Variants in NEO1 observed in about 807,000 individuals in gnomAD.
NEO1 encodes the protein neogenin.
In NEO1, 63 loss-of-function variants were observed where a neutral mutation model predicts 159.7. That is an observed-to-expected ratio of 0.39 (90% CI 0.32 to 0.49). The LOEUF (loss-of-function observed/expected upper bound fraction) is 0.49, where lower values mean the gene tolerates loss of function less well. Among genes scored for constraint, NEO1 ranks in the 20% least tolerant of loss-of-function variants. The probability of loss-of-function intolerance (pLI) is 0.85; values close to 1 mark genes in which losing one functional copy is unlikely to be tolerated. For synonymous variants in NEO1, 633 were observed against 662.0 expected, an observed-to-expected ratio of 0.96 and a Z score of 0.67; for missense variants, 1,615 against 1,831.0, an observed-to-expected ratio of 0.88 and a Z score of 2.15.
At chr15:73,216,670 G>T (rs71397278) in intron 7 of NEO1, among the ~76,000 whole-genome samples, 43,957 of 151,568 alleles carry the variant, frequency 0.29, 7,317 homozygotes, top group East Asian at 0.57. Context: ...GATTTGCATT[G>T]CTCTGATGGC....
At chr15:73,235,567 C>T (rs1031465980) in intron 7 of NEO1, among the ~76,000 whole-genome samples, 1 of 152,164 alleles carries the variant, frequency 6.6e-6, no homozygotes, top group Non-Finnish European at 1.5e-5. Context: ...CAGTATACAT[C>T]GCAGTGAAGA....
At chr15:73,214,699 G>C (rs2037776739) in intron 7 of NEO1, among the ~76,000 whole-genome samples, 1 of 152,124 alleles carries the variant, frequency 6.6e-6, no homozygotes, top group African/African-American at 2.4e-5. Flanking sequence ...TTTGAAATCA[G>C]GTAGTGTGAT....
rs569462409 is a variant in NEO1, at chr15:73,303,490, G to C, written c.*794G>C. ...GTGCAGTTTCAGTATTGGGGCGGGT[G>C]GGGGGCTGGGGGTTGGTAATAGGAA... is the stretch of plus-strand genomic sequence containing the variant. On this transcript the variant is annotated 3_prime_UTR_variant, in exon 29 of 29. Transcript: ENST00000261908. 2 of 152,216 alleles carry C rather than the reference G, an allele frequency of 1.3e-5. No homozygotes were observed. The highest frequency in any genetic ancestry group is 6.5e-5 in the Admixed American group (1 of 15,280). The allele number at this position is 152,216 out of a possible 1,614,324, so 9.4% of individuals were successfully genotyped here.
At chr15:73,302,537 T>G (rs2042662898) in intron 28 of NEO1, 76 bp from the exon 29 acceptor site, 1 of 1,359,484 alleles carries the variant, frequency 7.4e-7, no homozygotes, top group African/African-American at 1.4e-5. Flanking sequence ...CACATGAGGC[T>G]TTGGCCTCTC....
At chr15:73,078,084 G>A (rs2068864588) in intron 1 of NEO1, among the ~76,000 whole-genome samples, 1 of 152,144 alleles carries the variant, frequency 6.6e-6, no homozygotes, top group South Asian at 2.1e-4. Flanking sequence ...GATGTGAAGT[G>A]GCACAAGAAA....
At chr15:73,255,165 C>G (rs556021888) in intron 13 of NEO1, among the ~76,000 whole-genome samples, 1 of 152,320 alleles carries the variant, frequency 6.6e-6, no homozygotes, top group South Asian at 2.1e-4. Flanking sequence ...TTACCCCACT[C>G]AGTATAGTTG....
intron 3 of NEO1, among the ~76,000 whole-genome samples, chr15:73,123,089 GGAGGGTGCAGTGAGCTGAGATTGTGC>G (rs2071765435): frequency 6.6e-6 from 1 of 151,872 alleles, no homozygotes; most frequent in South Asian, 2.1e-4. Context: ...CCCGGGAGGT[GGAGGGTGCAGTGAGCTGAGATTGTGC>G]CATTGCACTC....
chr15:73,266,559 G>A (rs1388797591), intron 16 of NEO1, 148 bp downstream of exon 16: 3 of 506,912 alleles, frequency 5.9e-6, no homozygotes, highest in Non-Finnish European at 1.0e-5. Context: ...TGGGCTTTCA[G>A]CATGGAAAGT....
rs1423167562 is a variant in NEO1 at position 73,116,668 on chromosome 15, A to G, written c.259A>G (p.Lys87Glu). Residue 87 changes from lysine to glutamate, a missense_variant, in exon 2 of 29, where the codon AAA (lysine) becomes GAA (glutamate). Lys to Glu is a moderately conservative substitution (Grantham distance 56). Coordinates refer to ENST00000261908, the MANE Select transcript of NEO1 (RefSeq NM_002499.4). ...YSEPSPKIEW[K>E]KDGTFLNLVS... ...TGAGCCTTCTCCAAAAATTGAATGG[A>G]AAAAAGATGGAACTTTTTTAAACTT... 2 of 1,614,028 alleles carry G rather than the reference A, an allele frequency of 1.2e-6. No individual in the cohort carries two copies. The highest frequency in any genetic ancestry group is 1.7e-6 in the Non-Finnish European group (2 of 1,179,934).
chr15:73,126,311 C>A (rs566139889), intron 3 of NEO1, 106 bp from the exon 4 acceptor site: 8 of 1,014,696 alleles, frequency 7.9e-6, no homozygotes, highest in Non-Finnish European at 1.1e-5. Flanking sequence ...CTCAAGCAGT[C>A]CTCCCTCCTC....
Position 73,113,028 on chromosome 15 carries a change from A to G in NEO1, c.131-3512A>G, listed in dbSNP as rs553409902. Among the ~76,000 whole-genome samples the G allele has an allele frequency of 4.6e-5, 7 of 152,254 alleles. 1 individual carries two copies. In the South Asian group the frequency reaches 8.3e-4, roughly 18 times the overall value. The stretch of plus-strand genomic sequence containing the variant: ...ACATGTTAAGTTTCCAAATATATAT[A>G]GCTCTGTTTGGGGGCTTTATAGCCT... On this transcript the variant is annotated intron_variant, in intron 1 of 28. Coordinates refer to ENST00000261908, the MANE Select transcript of NEO1 (RefSeq NM_002499.4).
At chr15:73,301,248 G>GGACC (rs2042599841) in intron 27 of NEO1, 73 bp from the exon 28 acceptor site, 1 of 1,592,072 alleles carries the variant, frequency 6.3e-7, no homozygotes, top group South Asian at 1.1e-5. Context: ...AGCAGCACTT[G>GGACC]GACCTTAGGG....
At chr15:73,154,157 G>A (rs2033596110) in intron 5 of NEO1, among the ~76,000 whole-genome samples, 1 of 151,848 alleles carries the variant, frequency 6.6e-6, no homozygotes, top group South Asian at 2.1e-4. Context: ...ACATTTGGAG[G>A]CAAAGCCCAG....
chr15:73,186,392 T>C (rs1012463106), intron 7 of NEO1, among the ~76,000 whole-genome samples: 1 of 151,702 alleles, frequency 6.6e-6, no homozygotes, highest in African/African-American at 2.4e-5. Context: ...TTTCAAAAAT[T>C]AAAGTGAAAT....
intron 7 of NEO1, among the ~76,000 whole-genome samples, chr15:73,219,237 G>A (rs1376807342): frequency 6.6e-6 from 1 of 151,942 alleles, no homozygotes; most frequent in Non-Finnish European, 1.5e-5. Context: ...GCGGCTTTGA[G>A]TGAGATTCTT....
At chr15:73,197,609 A>T (rs183951191) in intron 7 of NEO1, among the ~76,000 whole-genome samples, 2 of 150,912 alleles carry the variant, frequency 1.3e-5, no homozygotes, top group Admixed American at 1.3e-4. Flanking sequence ...AGCAGGAAAC[A>T]TTTGTGTTGT....
intron 1 of NEO1, among the ~76,000 whole-genome samples, chr15:73,103,485 G>T (rs1416994126): frequency 6.6e-6 from 1 of 152,088 alleles, no homozygotes; most frequent in Non-Finnish European, 1.5e-5. Context: ...ATGTCATTTT[G>T]CAGGAATGTC....
chr15:73,058,984 A>G (rs1342698182), intron 1 of NEO1, among the ~76,000 whole-genome samples: 4 of 152,150 alleles, frequency 2.6e-5, no homozygotes, highest in Non-Finnish European at 4.4e-5. Flanking sequence ...GCAAAGTAGG[A>G]TATGATTGGA....
At chr15:73,286,843 A>C (rs956981012) in intron 23 of NEO1, among the ~76,000 whole-genome samples, 2 of 152,160 alleles carry the variant, frequency 1.3e-5, no homozygotes, top group African/African-American at 4.8e-5. Context: ...ATAACTTTCA[A>C]ATCTGCCTCT....
Sources: allele counts gnomAD v4.1 joint callset (sites outside exome capture counted in the v4.1 genomes callset), GRCh38; gene constraint gnomAD v4.1.1; transcripts MANE v1.5; gene names NCBI Gene and HGNC (gene_info 2026-07-23, HGNC 2026-07-21).